NXPE1: variants seen among roughly 807,000 people sequenced by gnomAD.
NXPE1 encodes neurexophilin and PC-esterase domain family member 1, also known as NXPE family member 1.
A neutral mutation model predicts 33.3 loss-of-function variants in NXPE1; 31 were observed. The observed-to-expected ratio is 0.93, with a 90% CI of 0.70 to 1.26. The LOEUF (loss-of-function observed/expected upper bound fraction) is 1.26. Among genes scored for constraint, NXPE1 ranks in the 50% most tolerant of loss-of-function variants. The pLI, the probability that NXPE1 is intolerant of heterozygous loss-of-function variation, is 0.00. For missense variants in NXPE1, 661 were observed against 655.6 expected (o/e 1.01, Z -0.09); for synonymous variants, 229 against 231.4 (o/e 0.99, Z 0.09).
chr11:114,552,303 A>G (rs602287), intron 2 of NXPE1, among the ~76,000 whole-genome samples: 90,930 of 151,860 alleles, frequency 0.6, 29,018 homozygotes, highest in African/African-American at 0.84. Context: ...ATGAATGAAT[A>G]CAGAAGAGAA....
At chr11:114,545,672 T>C (rs1022199556) in intron 5 of NXPE1, among the ~76,000 whole-genome samples, 2 of 151,980 alleles carry the variant, frequency 1.3e-5, no homozygotes, top group Admixed American at 6.6e-5. Context: ...CATTGAATCT[T>C]ATAACACAAA....
At chr11:114,557,634 C>CAT (rs4019608) in intron 1 of NXPE1, among the ~76,000 whole-genome samples, 2,164 of 127,950 alleles carry the variant, frequency 0.017, 27 homozygotes, top group Non-Finnish European at 0.025. Context: ...ATATATAATA[C>CAT]ATATATATAT....
intron 5 of NXPE1, among the ~76,000 whole-genome samples, chr11:114,550,855 A>G (rs750887091): frequency 4.1e-4 from 63 of 152,318 alleles, no homozygotes; most frequent in Non-Finnish European, 7.8e-4. Context: ...AGCTTTAACA[A>G]GGGCCATTTT....
intron 5 of NXPE1, among the ~76,000 whole-genome samples, chr11:114,537,790 A>T (rs1251632926): frequency 1.3e-5 from 2 of 152,106 alleles, no homozygotes; most frequent in Middle Eastern, 3.4e-3. Flanking sequence ...GAGGATACAA[A>T]CAAATGGAAG....
At chr11:114,530,376 T>C in exon 6 of NXPE1, 2 of 1,614,216 alleles carry the variant, frequency 1.2e-6, no homozygotes, top group Non-Finnish European at 1.7e-6. Context: ...AGAGGTGCCA[T>C]TAACAAATTT....
chr11:114,529,965 T>C, intron 6 of NXPE1: 1 of 523,402 alleles, frequency 1.9e-6, no homozygotes. Context: ...GAAGAACGGT[T>C]ATAGCAAAAC....
At chr11:114,536,816 G>A (rs1317500752) in intron 5 of NXPE1, among the ~76,000 whole-genome samples, 1 of 152,168 alleles carries the variant, frequency 6.6e-6, no homozygotes, top group East Asian at 1.9e-4. Context: ...AAAAAGTCCA[G>A]GACCAGATGG....
At chr11:114,557,667 ATATAT>A (rs1182407580) in intron 1 of NXPE1, among the ~76,000 whole-genome samples, 107 of 114,216 alleles carry the variant, frequency 9.4e-4, no homozygotes, top group Admixed American at 1.3e-3. Flanking sequence ...ATATATATAT[ATATAT>A]AAAATCCTTG....
At position 114,530,493 on chromosome 11, in the gene NXPE1, C is replaced by T. The variant is rs1947539590; in HGVS notation, c.515G>A (p.Trp172Ter). 1.2e-6 allele frequency: 2 copies of T among 1,613,864 alleles called. No homozygotes were observed. Among genetic ancestry groups the T allele is most frequent in the East Asian group, 4.5e-5 (2 of 44,900 alleles). Reference sequence around the variant, plus strand: ...CAGAGACAGGGAGACCTGGCCCTCCCAGAACAGAGTGAAGCTGACCAGGTA... The same window carrying T: ...CAGAGACAGGGAGACCTGGCCCTCCTAGAACAGAGTGAAGCTGACCAGGTA... The change falls in exon 6 of 9, where the codon TGG becomes TAG. Residue 172 changes from tryptophan (W) to a stop codon, truncating the protein, a stop_gained. Coordinates refer to ENST00000534921, the Ensembl canonical transcript of NXPE1. LOFTEE classifies it high-confidence loss of function.
chr11:114,522,338 C>T lies in NXPE1; in HGVS notation c.1274G>A (p.Arg425Gln), dbSNP rs376288356. 65 of 1,613,912 alleles carry T rather than the reference C, an allele frequency of 4.0e-5. No homozygotes were observed. The highest frequency in any genetic ancestry group is 6.7e-5 in the African/African-American group (5 of 74,904). Residue 425 changes from arginine (R) to glutamine (Q), a missense_variant, in exon 9 of 9, where the codon CGG becomes CAG. Coordinates refer to ENST00000534921, the Ensembl canonical transcript of NXPE1. ...GGCTGTGTTTTTGTCACCTGATAGC[C>T]GGTCAATTTCCCGAGGGATATAATC...
intron 5 of NXPE1, among the ~76,000 whole-genome samples, chr11:114,533,085 A>G (rs1301832403): frequency 6.6e-6 from 1 of 152,266 alleles, no homozygotes; most frequent in Non-Finnish European, 1.5e-5. Context: ...AGTCCTGAAC[A>G]ATAAAATAAA....
At chr11:114,530,036 G>A (rs777656065) in intron 6 of NXPE1, 139 bp downstream of exon 6, 2 of 835,194 alleles carry the variant, frequency 2.4e-6, no homozygotes, top group Non-Finnish European at 3.7e-6. Context: ...GGTGAGTAGA[G>A]GCCCCAAGAA....
intron 7 of NXPE1, among the ~76,000 whole-genome samples, chr11:114,523,346 G>A (rs902947071): frequency 6.6e-6 from 1 of 152,010 alleles, no homozygotes; most frequent in African/African-American, 2.4e-5. Flanking sequence ...GCTAAATCTT[G>A]ACGTTCTATC....
chr11:114,557,245 C>T (rs559012379), intron 1 of NXPE1, among the ~76,000 whole-genome samples: 18 of 152,190 alleles, frequency 1.2e-4, no homozygotes, highest in Admixed American at 1.2e-3. Context: ...TATTCTATTT[C>T]CATTCTCATT....
chr11:114,523,229 A>G (rs1947270303), intron 7 of NXPE1, 138 bp from the exon 8 acceptor site: 3 of 635,594 alleles, frequency 4.7e-6, no homozygotes, highest in Non-Finnish European at 8.2e-6. Context: ...TTCTAGTCCT[A>G]TTCTTTGATC....
intron 5 of NXPE1, among the ~76,000 whole-genome samples, chr11:114,549,084 AT>A: frequency 6.6e-6 from 1 of 152,068 alleles, no homozygotes; most frequent in African/African-American, 2.4e-5. Context: ...ACCTATCAAA[AT>A]TGACCTGAGT....
chr11:114,539,629 TTAAGA>T (rs1376736890), intron 5 of NXPE1, among the ~76,000 whole-genome samples: 6 of 152,168 alleles, frequency 3.9e-5, no homozygotes, highest in Non-Finnish European at 1.5e-5. Context: ...AATTAAATTC[TTAAGA>T]TGGGAGATGG....
chr11:114,522,493 A>T, exon 9 of NXPE1: 1 of 1,597,494 alleles, frequency 6.3e-7, no homozygotes, highest in African/African-American at 1.3e-5. Context: ...GAAGATCAAA[A>T]AACTTCAGTG....
Position 114,551,368 on chromosome 11 carries a change from A to C in NXPE1, c.-11+15T>G. On this transcript the variant is annotated intron_variant, in intron 4 of 8. Coordinates refer to ENST00000534921, the Ensembl canonical transcript of NXPE1. ...CTGCTAACTAACAACTCATACCCCCAATCCCTTTGTCTACCTATTGGATAC... is the reference window on the plus strand; with the variant it reads ...CTGCTAACTAACAACTCATACCCCCCATCCCTTTGTCTACCTATTGGATAC... 1 of 1,399,824 alleles carries C rather than the reference A, an allele frequency of 7.1e-7. No individual in the cohort carries two copies. Among genetic ancestry groups the C allele is most frequent in the Non-Finnish European group, 9.2e-7 (1 of 1,081,266 alleles). The allele number at this position is 1,399,824 out of a possible 1,614,324, so 86.7% of individuals were successfully genotyped here.
Sources: allele counts gnomAD v4.1 joint callset (sites outside exome capture counted in the v4.1 genomes callset), GRCh38; gene constraint gnomAD v4.1.1; transcripts MANE v1.5; gene names NCBI Gene and HGNC (gene_info 2026-07-23, HGNC 2026-07-21).